BIRC6: variants seen among roughly 807,000 people sequenced by gnomAD.
The protein encoded by BIRC6 is dual E2 ubiquitin-conjugating enzyme/E3 ubiquitin-protein ligase BIRC6.
A neutral mutation model predicts 503.3 loss-of-function variants in BIRC6; 98 were observed. The ratio of observed to expected loss-of-function variants is 0.19; its 90% CI spans 0.17 to 0.23. The LOEUF (loss-of-function observed/expected upper bound fraction) is 0.23, where lower values mean the gene tolerates loss of function less well. BIRC6 is among the 10% of genes least tolerant of loss of function. The pLI, the probability that BIRC6 is intolerant of heterozygous loss-of-function variation, is 1.00. For missense variants in BIRC6, 5,360 were observed against 5,806.0 expected (o/e 0.92, Z 2.50); for synonymous variants, 2,240 against 2,078.7 (o/e 1.08, Z -2.11).
At chr2:32,570,870 C>T (rs919212305) in intron 65 of BIRC6, among the ~76,000 whole-genome samples, 3 of 152,056 alleles carry the variant, frequency 2.0e-5, no homozygotes, top group Admixed American at 2.0e-4. Context: ...TCATCGTAGC[C>T]CACTTTAGCC....
Position 32,531,314 on chromosome 2 carries a change from C to G in BIRC6, c.12095-41C>G, listed in dbSNP as rs772329995. 4.1e-6 allele frequency: 6 copies of G among 1,469,612 alleles called. No homozygotes were observed. The East Asian group carries it at 1.4e-4, about 34-fold the overall frequency. 91.0% of individuals were successfully genotyped at this position (1,469,612 alleles called of 1,614,324 possible). ...AATGAAAGAATATTATAAAAATATA[C>G]CCTTTCTTACCTATTCAGTTATTTG... is the stretch of plus-strand genomic sequence containing the variant. On this transcript the variant is annotated intron_variant, in intron 60 of 73. Coordinates refer to ENST00000421745, the MANE Select transcript of BIRC6 (RefSeq NM_016252.4).
intron 49 of BIRC6, 121 bp from the exon 50 acceptor site, chr2:32,504,884 C>A: frequency 1.1e-6 from 1 of 878,102 alleles, no homozygotes; most frequent in Non-Finnish European, 1.8e-6. Flanking sequence ...AGTGCATTAC[C>A]AGCATCAATT....
intron 65 of BIRC6, among the ~76,000 whole-genome samples, chr2:32,561,615 T>A (rs114293986): frequency 0.025 from 3,780 of 151,938 alleles, 65 homozygotes; most frequent in African/African-American, 0.06. Context: ...TATTTTGATT[T>A]TTTTTTAGTT....
chr2:32,368,107 A>G (rs1179787214), intron 1 of BIRC6, among the ~76,000 whole-genome samples: 1 of 152,202 alleles, frequency 6.6e-6, no homozygotes, highest in Non-Finnish European at 1.5e-5. Context: ...TCATCAGGGG[A>G]AATTTTAAGA....
At chr2:32,514,073 A>C (rs559160477) in intron 54 of BIRC6, among the ~76,000 whole-genome samples, 14 of 152,090 alleles carry the variant, frequency 9.2e-5, no homozygotes, top group African/African-American at 3.4e-4. Context: ...CAAAAAAAAT[A>C]ACTTTGGGGA....
chr2:32,503,893 TGAGA>T (rs1006091897), intron 49 of BIRC6, among the ~76,000 whole-genome samples: 9 of 151,942 alleles, frequency 5.9e-5, no homozygotes, highest in African/African-American at 1.9e-4. Flanking sequence ...TGTTTTGTTT[TGAGA>T]GAGTCTCACT....
At chr2:32,610,844 C>T (rs1394896523) in intron 72 of BIRC6, among the ~76,000 whole-genome samples, 1 of 151,876 alleles carries the variant, frequency 6.6e-6, no homozygotes, top group Non-Finnish European at 1.5e-5. Context: ...TCTCAGTTCA[C>T]TGCAACCTCT....
intron 3 of BIRC6, among the ~76,000 whole-genome samples, chr2:32,387,265 A>G (rs1022501982): frequency 2.4e-4 from 36 of 151,654 alleles, no homozygotes; most frequent in Non-Finnish European, 3.5e-4. Context: ...TGATCTGTGA[A>G]CAGATTAATT....
chr2:32,580,036 C>T (rs1036111320), intron 66 of BIRC6, among the ~76,000 whole-genome samples: 2 of 151,440 alleles, frequency 1.3e-5, no homozygotes, highest in Admixed American at 6.6e-5. Flanking sequence ...TCACTGCAAC[C>T]TCCGTCTCCT....
intron 61 of BIRC6, among the ~76,000 whole-genome samples, 152 bp from the exon 62 acceptor site, chr2:32,543,089 T>C (rs956867738): frequency 8.5e-5 from 13 of 152,352 alleles, no homozygotes; most frequent in Non-Finnish European, 1.8e-4. Flanking sequence ...CGTGAGCCAC[T>C]GCGCCCGGCT....
chr2:32,558,546 A>G (rs900958020), intron 65 of BIRC6: 8 of 152,212 alleles, frequency 5.3e-5, no homozygotes, highest in Admixed American at 5.2e-4. Flanking sequence ...TTATCTCTTA[A>G]TAAAAGATTT....
chr2:32,366,633 T>C (rs1192188769), intron 1 of BIRC6, among the ~76,000 whole-genome samples: 1 of 152,114 alleles, frequency 6.6e-6, no homozygotes, highest in Non-Finnish European at 1.5e-5. Context: ...ACCTCTCTGA[T>C]ATGTGTGTTG....
rs1288175883 is a variant in BIRC6, at chr2:32,464,771, C to T, written c.5204C>T (p.Pro1735Leu). The T allele has an allele frequency of 2.5e-6, 4 of 1,613,830 alleles. No homozygotes were observed. Among genetic ancestry groups the T allele is most frequent in the Non-Finnish European group, 3.4e-6 (4 of 1,179,822 alleles). Residue 1735 changes from proline (P) to leucine (L), a missense_variant, in exon 25 of 74, where the codon CCC becomes CTC. Pro to Leu is a moderately conservative substitution (Grantham distance 98). Coordinates refer to ENST00000421745, the MANE Select transcript of BIRC6 (RefSeq NM_016252.4). ...AQLFPGSVID[P>L]PAVNLAAHNK... ...CTTTTCCCAGGCTCAGTCATTGATCCCCCAGCAGTCAATCTTGCTGCACAT... is the reference window on the plus strand; with the variant it reads ...CTTTTCCCAGGCTCAGTCATTGATCTCCCAGCAGTCAATCTTGCTGCACAT...
At chr2:32,560,486 A>G (rs896077129) in intron 65 of BIRC6, among the ~76,000 whole-genome samples, 3 of 152,212 alleles carry the variant, frequency 2.0e-5, no homozygotes, top group Non-Finnish European at 4.4e-5. Flanking sequence ...ATACCAGTTA[A>G]ATAAGAGGGA....
intron 19 of BIRC6, 150 bp from the exon 20 acceptor site, chr2:32,443,341 C>G: frequency 1.8e-6 from 1 of 569,858 alleles, no homozygotes. Context: ...TTCCCGCTAT[C>G]TTTTGGTATT....
chr2:32,544,272 A>C (rs577617585), intron 62 of BIRC6, among the ~76,000 whole-genome samples: 1 of 152,150 alleles, frequency 6.6e-6, no homozygotes, highest in Non-Finnish European at 1.5e-5. Context: ...TTTTCAGAAA[A>C]TGAATCTGGT....
intron 33 of BIRC6, among the ~76,000 whole-genome samples, chr2:32,474,051 C>T (rs533416378): frequency 1.1e-4 from 16 of 151,994 alleles, no homozygotes; most frequent in Admixed American, 2.6e-4. Flanking sequence ...CCACTGTGTC[C>T]GGCCACACAA....
intron 73 of BIRC6, among the ~76,000 whole-genome samples, chr2:32,613,224 T>C (rs1019319526): frequency 1.3e-5 from 2 of 151,930 alleles, no homozygotes; most frequent in Non-Finnish European, 2.9e-5. Flanking sequence ...TCTGAGACAC[T>C]GTCTCTCTCT....
intron 65 of BIRC6, among the ~76,000 whole-genome samples, chr2:32,573,998 T>G (rs549194225): frequency 1.1e-4 from 16 of 152,260 alleles, no homozygotes; most frequent in Admixed American, 8.5e-4. Context: ...TACTTTTTTT[T>G]GTTTTCCAAA....
Sources: allele counts gnomAD v4.1 joint callset (sites outside exome capture counted in the v4.1 genomes callset), GRCh38; gene constraint gnomAD v4.1.1; transcripts MANE v1.5; gene names NCBI Gene and HGNC (gene_info 2026-07-23, HGNC 2026-07-21).